CMKLR1: variants seen among roughly 807,000 people sequenced by gnomAD.
The protein encoded by CMKLR1 is chemerin chemokine-like receptor 1.
CMKLR1 carries 6 observed loss-of-function variants against 8.2 expected under a neutral mutation model. That is an observed-to-expected ratio of 0.73 (90% CI 0.40 to 1.44). The LOEUF (loss-of-function observed/expected upper bound fraction) is 1.44, where lower values mean the gene tolerates loss of function less well. CMKLR1 is among the 40% of genes most tolerant of loss of function. The pLI, the probability that CMKLR1 is intolerant of heterozygous loss-of-function variation, is 0.02. For missense variants in CMKLR1, 429 were observed against 478.0 expected (o/e 0.90, Z 0.96); for synonymous variants, 178 against 181.2 (o/e 0.98, Z 0.14).
chr12:108,335,888 G>T (rs1371577595), intron 1 of CMKLR1, among the ~76,000 whole-genome samples: 2 of 152,320 alleles, frequency 1.3e-5, no homozygotes, highest in East Asian at 3.9e-4. Context: ...TTCTGCAACT[G>T]AAAATAATTT....
intron 2 of CMKLR1, among the ~76,000 whole-genome samples, chr12:108,322,297 G>A (rs1014362757): frequency 1.2e-4 from 18 of 152,120 alleles, no homozygotes; most frequent in East Asian, 1.9e-4. Flanking sequence ...TCAGGGCTTC[G>A]TCCCCTAGTC....
At chr12:108,302,202 C>T (rs1891294987) in intron 2 of CMKLR1, among the ~76,000 whole-genome samples, 2 of 152,234 alleles carry the variant, frequency 1.3e-5, no homozygotes, top group Admixed American at 6.5e-5. Flanking sequence ...TGACATTCTA[C>T]ACCTTCTAGA....
intron 2 of CMKLR1, among the ~76,000 whole-genome samples, chr12:108,299,958 C>A (rs1034905282): frequency 2.6e-5 from 4 of 152,344 alleles, no homozygotes; most frequent in Admixed American, 2.6e-4. Flanking sequence ...GTCCTGCTCA[C>A]CCATGTGGGG....
intron 2 of CMKLR1, among the ~76,000 whole-genome samples, chr12:108,316,032 G>C (rs1427818144): frequency 6.6e-6 from 1 of 152,182 alleles, no homozygotes; most frequent in Non-Finnish European, 1.5e-5. Context: ...TAAGAGGAGG[G>C]GATGTGTTCC....
At chr12:108,301,485 G>T (rs759434915) in intron 2 of CMKLR1, among the ~76,000 whole-genome samples, 3 of 152,034 alleles carry the variant, frequency 2.0e-5, no homozygotes, top group Non-Finnish European at 4.4e-5. Context: ...TGCCACCCAG[G>T]CCACCCACAC....
rs2137291155 is a variant in CMKLR1, at chr12:108,292,295, G to T, written c.668C>A (p.Thr223Asn). The change falls in exon 4 of 4, where the codon ACC (threonine) becomes AAC (asparagine). Residue 223 changes from threonine (T) to asparagine (N), a missense_variant. By Grantham distance (65) the Thr-to-Asn change is moderately conservative (BLOSUM62 0). Transcript: ENST00000550402. ...GACCAGGAAGCCACAGAGGAAGCGG[G>T]TGACAGTCACCACCATGTGCCGGCT... Reference protein sequence around the residue: ...GYSRHMVVTVTRFLCGFLVPV... With the variant: ...GYSRHMVVTVNRFLCGFLVPV... 6.2e-7 allele frequency: 1 copy of T among 1,614,182 alleles called. No homozygotes were observed. Among genetic ancestry groups the T allele is most frequent in the East Asian group, 2.2e-5 (1 of 44,888 alleles).
At chr12:108,295,134 C>T (rs1438505774) in intron 2 of CMKLR1, among the ~76,000 whole-genome samples, 1 of 152,194 alleles carries the variant, frequency 6.6e-6, no homozygotes, top group Non-Finnish European at 1.5e-5. Flanking sequence ...GGTAACCTGA[C>T]AGGTGTGCAT....
intron 2 of CMKLR1, among the ~76,000 whole-genome samples, chr12:108,305,765 G>A (rs1024543829): frequency 1.4e-4 from 22 of 152,348 alleles, no homozygotes; most frequent in African/African-American, 2.4e-4. Flanking sequence ...GTGGGAGCTC[G>A]CACTGAGTCA....
At chr12:108,297,599 T>A (rs1303180655) in intron 2 of CMKLR1, among the ~76,000 whole-genome samples, 2 of 152,204 alleles carry the variant, frequency 1.3e-5, no homozygotes, top group South Asian at 2.1e-4. Context: ...TAACTCCTAT[T>A]TGCAGATGAG....
chr12:108,307,402 G>C (rs1241927627), intron 2 of CMKLR1, among the ~76,000 whole-genome samples: 1 of 152,124 alleles, frequency 6.6e-6, no homozygotes, highest in African/African-American at 2.4e-5. Flanking sequence ...TTACAACCAG[G>C]TCAGCACAGC....
chr12:108,311,146 G>A (rs74518243), intron 2 of CMKLR1, among the ~76,000 whole-genome samples: 2 of 152,186 alleles, frequency 1.3e-5, no homozygotes, highest in East Asian at 1.9e-4. Context: ...AGTCAATGTC[G>A]TGATGACGAT....
rs971808298 is a variant in CMKLR1, at chr12:108,291,801, C to T, written c.*40G>A. On this transcript the variant is annotated 3_prime_UTR_variant, in exon 4 of 4. Coordinates refer to ENST00000550402, the MANE Select transcript of CMKLR1 (RefSeq NM_001142343.2). ...TCAGAAGACATATCCTTGGGTGTCCCTGGGTTGAGAGAGTCCATTGAGGGG... is the reference window on the plus strand; with the variant it reads ...TCAGAAGACATATCCTTGGGTGTCCTTGGGTTGAGAGAGTCCATTGAGGGG... 4 of 1,569,352 alleles carry T rather than the reference C, an allele frequency of 2.5e-6. No homozygotes were observed. Among genetic ancestry groups the T allele is most frequent in the African/African-American group, 2.7e-5 (2 of 73,388 alleles).
intron 2 of CMKLR1, among the ~76,000 whole-genome samples, chr12:108,314,328 G>A (rs1891663067): frequency 6.6e-6 from 1 of 152,166 alleles, no homozygotes; most frequent in Non-Finnish European, 1.5e-5. Flanking sequence ...AGTTACATGA[G>A]TCACATGCTC....
Position 108,329,815 on chromosome 12 carries a change from G to T in CMKLR1, c.-74+180C>A, listed in dbSNP as rs114308458. 7.6e-3 allele frequency among the ~76,000 whole-genome samples: 1,162 copies of T among 152,278 alleles called. 12 individuals are homozygous for T. The highest frequency in any genetic ancestry group is 0.022 in the African/African-American group (927 of 41,548). On this transcript the variant is annotated intron_variant, in intron 2 of 3. Coordinates refer to ENST00000550402, the MANE Select transcript of CMKLR1 (RefSeq NM_001142343.2). Reference sequence around the variant, plus strand: ...GTAAATGCTTGTGAAGTGAACAGAGGCTCCTTTAAACAAATCCTTTTTGAG... The same window carrying T: ...GTAAATGCTTGTGAAGTGAACAGAGTCTCCTTTAAACAAATCCTTTTTGAG...
chr12:108,288,957 C>CCG lies in CMKLR1; in HGVS notation c.*2883_*2884insCG, dbSNP rs1555250067. The CCG allele has an allele frequency of 9.2e-6, 1 of 108,812 alleles. No homozygotes were observed. Among genetic ancestry groups the CCG allele is most frequent in the African/African-American group, 2.7e-5 (1 of 36,392 alleles). 6.7% of individuals were successfully genotyped at this position (108,812 alleles called of 1,614,324 possible). On this transcript the variant is annotated 3_prime_UTR_variant, in exon 4 of 4. Transcript: ENST00000550402. Reference sequence around the variant, plus strand: ...GAAACAGAAACTCACTTTCTGCACCCCCCCCCCACCTTGCTATGATGGTCC... The same window carrying CCG: ...GAAACAGAAACTCACTTTCTGCACCCCGCCCCCCCACCTTGCTATGATGGTCC...
At chr12:108,332,671 C>G (rs1178467312) in intron 1 of CMKLR1, among the ~76,000 whole-genome samples, 1 of 152,162 alleles carries the variant, frequency 6.6e-6, no homozygotes, top group Non-Finnish European at 1.5e-5. Context: ...TTTTGGGACT[C>G]AGACTGATTC....
At chr12:108,327,578 C>T (rs1283874828) in intron 2 of CMKLR1, among the ~76,000 whole-genome samples, 2 of 152,244 alleles carry the variant, frequency 1.3e-5, no homozygotes, top group African/African-American at 4.8e-5. Context: ...TAAAATAGGA[C>T]TGTTTTTCCC....
chr12:108,334,934 T>TA (rs1171164501), intron 1 of CMKLR1, among the ~76,000 whole-genome samples: 1 of 152,224 alleles, frequency 6.6e-6, no homozygotes, highest in African/African-American at 2.4e-5. Context: ...ATTTCCTTTT[T>TA]CCAGGGGGAA....
chr12:108,292,832 A>G lies in CMKLR1; in HGVS notation c.131T>C (p.Val44Ala). The change falls in exon 4 of 4, where the codon GTG (valine) becomes GCG (alanine). Residue 44 changes from valine to alanine, a missense_variant. Physicochemically the swap from Val to Ala is moderately conservative, Grantham distance 64. Coordinates refer to ENST00000550402, the MANE Select transcript of CMKLR1 (RefSeq NM_001142343.2). The stretch of plus-strand genomic sequence containing the variant: ...GAAGCAGACGATGCTGTAGACCACC[A>G]CCAGGAAGATCCTGGTCACCCTGGC... Reference protein sequence around the residue: ...LEARVTRIFLVVVYSIVCFLG... With the variant: ...LEARVTRIFLAVVYSIVCFLG... The G allele has an allele frequency of 6.2e-7, 1 of 1,614,124 alleles. No homozygotes were observed. The highest frequency in any genetic ancestry group is 1.1e-5 in the South Asian group (1 of 91,078).
Sources: allele counts gnomAD v4.1 joint callset (sites outside exome capture counted in the v4.1 genomes callset), GRCh38; gene constraint gnomAD v4.1.1; transcripts MANE v1.5; gene names NCBI Gene and HGNC (gene_info 2026-07-23, HGNC 2026-07-21).